LGI3: variants seen among roughly 807,000 people sequenced by gnomAD.
The protein encoded by LGI3 is leucine-rich repeat LGI family member 3.
In LGI3, 47 loss-of-function variants were observed where a neutral mutation model predicts 55.4. The ratio of observed to expected loss-of-function variants is 0.85; its 90% CI spans 0.67 to 1.08. The LOEUF (loss-of-function observed/expected upper bound fraction) is 1.08, where lower values mean the gene tolerates loss of function less well. LGI3 is among the 50% of genes least tolerant of loss of function. LGI3 has a pLI of 0.00. For missense variants in LGI3, 664 were observed against 726.3 expected, an observed-to-expected ratio of 0.91 and a Z score of 0.99; for synonymous variants, 326 against 315.0, an observed-to-expected ratio of 1.04 and a Z score of -0.37.
Position 22,147,983 on chromosome 8 carries a change from ATGCACGTCCTCCTGGGCCAG to A in LGI3, c.*157_*176del. On this transcript the variant is annotated 3_prime_UTR_variant, in exon 8 of 8. Transcript: ENST00000306317. ...GGTGTTCATGCTGATTGCAGTGATG[ATGCACGTCCTCCTGGGCCAG>A]TCCACGGGGTGCGCCTGTACACACT... 1 of 591,536 alleles carries A rather than the reference ATGCACGTCCTCCTGGGCCAG, an allele frequency of 1.7e-6. No individual in the cohort carries two copies. The highest frequency in any genetic ancestry group is 3.3e-5 in the Admixed American group (1 of 30,638). The allele number at this position is 591,536 out of a possible 1,614,324, so 36.6% of individuals were successfully genotyped here. A position where few individuals can be genotyped will look rare whatever the true frequency, so the allele number is the denominator to read the frequency against.
chr8:22,148,590 C>G lies in LGI3; in HGVS notation c.1217G>C (p.Arg406Pro), dbSNP rs568594233. ...SQAPVIYQWS[R>P]TQKQFVAQGE... ...CTGGGCCACAAACTGCTTCTGGGTG[C>G]GACTCCACTGATAGATGACGGGTGC... The change falls in exon 8 of 8, where the codon CGC becomes CCC. Residue 406 changes from arginine (R) to proline (P), a missense_variant. Physicochemically the swap from Arg to Pro is moderately radical, Grantham distance 103. Coordinates refer to ENST00000306317, the MANE Select transcript of LGI3 (RefSeq NM_139278.4). This position sits in a 1 kb window ranked among gnomAD's most constrained non-coding sequence, Gnocchi z 7.0. 6.2e-7 allele frequency: 1 copy of G among 1,613,840 alleles called. No homozygotes were observed. Among genetic ancestry groups the G allele is most frequent in the East Asian group, 2.2e-5 (1 of 44,884 alleles).
rs964221049 is a variant in LGI3 at position 22,156,494 on chromosome 8, G to A, written c.49C>T (p.Leu17Phe). ...RGGPGPGLLA[L>F]SALGFCLMLQ... ...ATGAGGCAGAAGCCGAGCGCGGAGA[G>A]CGCCAGCAGCCCCGGCCCCGGGCCC... Residue 17 changes from leucine (L) to phenylalanine (F), a missense_variant, in exon 1 of 8, where the codon CTC becomes TTC. By Grantham distance (22) the Leu-to-Phe change is conservative. Coordinates refer to ENST00000306317, the MANE Select transcript of LGI3 (RefSeq NM_139278.4). The A allele has an allele frequency of 2.8e-6, 4 of 1,414,498 alleles. No individual in the cohort carries two copies. In the African/African-American group the frequency reaches 4.5e-5, roughly 16 times the overall value. 87.6% of individuals were successfully genotyped at this position (1,414,498 alleles called of 1,614,324 possible). A position where few individuals can be genotyped will look rare whatever the true frequency, so the allele number is the denominator to read the frequency against.
At chr8:22,153,720 A>AG (rs1438505269) in intron 5 of LGI3, among the ~76,000 whole-genome samples, 1 of 140,238 alleles carries the variant, frequency 7.1e-6, no homozygotes, top group African/African-American at 2.8e-5. Flanking sequence ...TTAAAAAAAA[A>AG]AAAAAACACA....
At position 22,154,586 on chromosome 8, in the gene LGI3, G is replaced by A; in HGVS notation, c.324C>T (p.Phe108=). The A allele has an allele frequency of 6.2e-6, 10 of 1,614,016 alleles. No homozygotes were observed. The highest frequency in any genetic ancestry group is 7.6e-6 in the Non-Finnish European group (9 of 1,179,918). The change falls in exon 3 of 8, where the codon TTC becomes TTT. Residue 108 remains phenylalanine, a synonymous_variant. Transcript: ENST00000306317. ...NKFTLIGDNA[F]TGLSHLQYLF... ...GATACTGCAGGTGCGACAGTCCTGT[G>A]AAGGCGTTGTCTCCAATCAGTGTAA... is the stretch of plus-strand genomic sequence containing the variant.
intron 2 of LGI3, 82 bp downstream of exon 2, chr8:22,155,310 C>G: frequency 3.0e-6 from 4 of 1,325,376 alleles, no homozygotes; most frequent in Admixed American, 1.8e-5. Flanking sequence ...CCTCTGTCCA[C>G]TCTCCCTCTC....
intron 6 of LGI3, 82 bp from the exon 7 acceptor site, chr8:22,151,735 C>T: frequency 1.3e-6 from 2 of 1,573,312 alleles, no homozygotes; most frequent in South Asian, 2.3e-5. Flanking sequence ...TTTACTGCTG[C>T]CGCTGGGTGT....
In LGI3 at chr8:22,147,150, C is replaced by T. The variant is rs1827312452; in HGVS notation, c.*1010G>A. 1 of 152,480 alleles carries T rather than the reference C, an allele frequency of 6.6e-6. No individual in the cohort carries two copies. The highest frequency in any genetic ancestry group is 1.5e-5 in the Non-Finnish European group (1 of 68,250). 9.4% of individuals were successfully genotyped at this position (152,480 alleles called of 1,614,324 possible). ...ACTCAGGTGCTTGCAGCTCGGCCAGCTCTCTAATCCACCCAAGGAGCCCGC... is the reference window on the plus strand; with the variant it reads ...ACTCAGGTGCTTGCAGCTCGGCCAGTTCTCTAATCCACCCAAGGAGCCCGC... On this transcript the variant is annotated 3_prime_UTR_variant, in exon 8 of 8. Coordinates refer to ENST00000306317, the MANE Select transcript of LGI3 (RefSeq NM_139278.4).
In LGI3 at chr8:22,148,273, C is replaced by A. The variant is rs1274608592; in HGVS notation, c.1534G>T (p.Ala512Ser). 5 of 1,614,036 alleles carry A rather than the reference C, an allele frequency of 3.1e-6. No homozygotes were observed. The highest frequency in any genetic ancestry group is 4.2e-6 in the Non-Finnish European group (5 of 1,180,008). ...FVRFQELAVQ[A>S]PRAFCYMPAG... ...GGCATGTAGCAGAAGGCCCGAGGAG[C>A]CTGCACAGCCAGCTCCTGGAACCGT... The change falls in exon 8 of 8, where the codon GCT (alanine) becomes TCT (serine). Residue 512 changes from alanine to serine, a missense_variant. Coordinates refer to ENST00000306317, the MANE Select transcript of LGI3 (RefSeq NM_139278.4). The surrounding 1 kb of genome is among the most constrained non-coding windows in gnomAD (Gnocchi z 7.0).
intron 7 of LGI3, among the ~76,000 whole-genome samples, chr8:22,150,351 A>ATTTTTTTTTTT (rs61084616): frequency 2.8e-5 from 2 of 72,600 alleles, no homozygotes; most frequent in Non-Finnish European, 4.9e-5. Flanking sequence ...TAAGCCTTCT[A>ATTTTTTTTTTT]TTTTTTTTTT....
chr8:22,152,119 C>A, intron 5 of LGI3, 119 bp from the exon 6 acceptor site: 1 of 738,890 alleles, frequency 1.4e-6, no homozygotes, highest in Non-Finnish European at 2.1e-6. Context: ...AAGTTGCTCA[C>A]ATGCATCTTT....
rs775164826 is a variant in LGI3 at position 22,148,860 on chromosome 8, G to C, written c.947C>G (p.Thr316Ser). 6.2e-7 allele frequency: 1 copy of C among 1,614,222 alleles called. No homozygotes were observed. The highest frequency in any genetic ancestry group is 1.1e-5 in the South Asian group (1 of 91,088). ...YHWDPNTTRF[T>S]RLQDIDPQRV... ...CTGCGGGTCAATGTCTTGCAGCCTG[G>C]TGAAGCGCGTGGTGTTGGGATCCCA... Residue 316 changes from threonine (T) to serine (S), a missense_variant, in exon 8 of 8, where the codon ACC (threonine) becomes AGC (serine). Transcript: ENST00000306317. This position sits in a 1 kb window ranked among gnomAD's most constrained non-coding sequence, Gnocchi z 7.0.
intron 7 of LGI3, 103 bp from the exon 8 acceptor site, chr8:22,149,080 A>T (rs1827346010): frequency 2.7e-6 from 2 of 746,908 alleles, no homozygotes; most frequent in Non-Finnish European, 2.1e-6. Flanking sequence ...GGCCAGGACT[A>T]AGACTCTGCG....
intron 4 of LGI3, 22 bp downstream of exon 4, chr8:22,154,116 AGTGT>A: frequency 6.2e-7 from 1 of 1,611,524 alleles, no homozygotes; most frequent in Non-Finnish European, 8.5e-7. Context: ...GCTTTGGTGC[AGTGT>A]GTGTATGTGT....
chr8:22,154,731 C>T, intron 2 of LGI3, 100 bp from the exon 3 acceptor site: 4 of 884,428 alleles, frequency 4.5e-6, no homozygotes, highest in South Asian at 2.7e-5. Context: ...GACATGACTG[C>T]CCTGCTGCTA....
intron 1 of LGI3, 114 bp downstream of exon 1, chr8:22,156,223 C>G: frequency 8.7e-7 from 1 of 1,155,964 alleles, no homozygotes; most frequent in Non-Finnish European, 1.3e-6. Context: ...CCCCTGCAGT[C>G]CCCCTGGTCC....
At chr8:22,153,866 C>T in intron 5 of LGI3, 102 bp downstream of exon 5, 4 of 1,229,824 alleles carry the variant, frequency 3.3e-6, no homozygotes, top group Non-Finnish European at 4.8e-6. Context: ...CCTTCCCAGC[C>T]TCTCAAGACC....
rs1407719776 is a variant in LGI3, at chr8:22,148,071, T to C, written c.*89A>G. 1.7e-6 allele frequency: 2 copies of C among 1,168,306 alleles called. No individual in the cohort carries two copies. Among genetic ancestry groups the C allele is most frequent in the Admixed American group, 4.6e-5 (2 of 43,616 alleles). 72.4% of individuals were successfully genotyped at this position (1,168,306 alleles called of 1,614,324 possible). On this transcript the variant is annotated 3_prime_UTR_variant, in exon 8 of 8. Coordinates refer to ENST00000306317, the MANE Select transcript of LGI3 (RefSeq NM_139278.4). The surrounding 1 kb of genome is among the most constrained non-coding windows in gnomAD (Gnocchi z 7.0). ...AGGGCATGAATGCAGGTTGGTCGCT[T>C]GTCTTCACACAGGCATACGTGGTGC...
At chr8:22,154,287 A>G (rs1827457582) in intron 3 of LGI3, 74 bp from the exon 4 acceptor site, 4 of 1,261,806 alleles carry the variant, frequency 3.2e-6, no homozygotes, top group Non-Finnish European at 3.5e-6. Context: ...CCTACGCCCC[A>G]GCCTAGATTT....
Position 22,154,543 on chromosome 8 carries a change from C to A in LGI3, c.350+17G>T. The A allele has an allele frequency of 6.2e-7, 1 of 1,612,388 alleles. No homozygotes were observed. Among genetic ancestry groups the A allele is most frequent in the Non-Finnish European group, 8.5e-7 (1 of 1,178,458 alleles). Reference sequence around the variant, plus strand: ...CCTCCCTTCTGCTTTCCCATTGCCCCTTTCCCTCCCACACACAGATACTGC... The same window carrying A: ...CCTCCCTTCTGCTTTCCCATTGCCCATTTCCCTCCCACACACAGATACTGC... On this transcript the variant is annotated intron_variant, in intron 3 of 7. Transcript: ENST00000306317.
Sources: gnomAD v4.1 joint callset for allele counts (sites outside exome capture counted in the v4.1 genomes callset) on GRCh38, gnomAD v4.1.1 for gene constraint, Gnocchi (gnomAD v3.1) non-coding constraint, MANE v1.5 for transcripts, NCBI Gene and HGNC (gene_info 2026-07-23, HGNC 2026-07-21) for gene names.